ARHGAP10: variants seen among roughly 807,000 people sequenced by gnomAD.
ARHGAP10 encodes the protein Rho GTPase activating protein 10.
In ARHGAP10, 87 loss-of-function variants were observed where a neutral mutation model predicts 108.6. The observed-to-expected ratio is 0.80, with a 90% CI of 0.67 to 0.96. The LOEUF (loss-of-function observed/expected upper bound fraction) is 0.96, where lower values mean the gene tolerates loss of function less well. ARHGAP10 is among the 40% of genes least tolerant of loss of function. The pLI, the probability that ARHGAP10 is intolerant of heterozygous loss-of-function variation, is 0.00. For missense variants in ARHGAP10, 939 were observed against 954.5 expected (o/e 0.98, Z 0.21); for synonymous variants, 347 against 341.1 (o/e 1.02, Z -0.19).
At chr4:147,811,134 T>C (rs1332386947) in intron 1 of ARHGAP10, among the ~76,000 whole-genome samples, 7 of 152,234 alleles carry the variant, frequency 4.6e-5, no homozygotes, top group African/African-American at 1.7e-4. Context: ...TTCAACAGCT[T>C]CTGTTAATAA....
intron 15 of ARHGAP10, among the ~76,000 whole-genome samples, chr4:147,947,246 T>A (rs1738422506): frequency 6.6e-6 from 1 of 150,642 alleles, no homozygotes; most frequent in Admixed American, 6.6e-5. Flanking sequence ...TTTTTTTTTT[T>A]TAAAGAAAAG....
rs1733548537 is a variant in ARHGAP10 at position 147,844,343 on chromosome 4, C to T, written c.313-2808C>T. On this transcript the variant is annotated intron_variant, in intron 3 of 22. Transcript: ENST00000336498. ...ATTTATCCTTTGTGTTACAATCTAACTATACTCTTTTAGTTATTTTAAGAT... is the reference window on the plus strand; with the variant it reads ...ATTTATCCTTTGTGTTACAATCTAATTATACTCTTTTAGTTATTTTAAGAT... Among the ~76,000 whole-genome samples the T allele has an allele frequency of 3.3e-5, 5 of 152,120 alleles. No individual in the cohort carries two copies. In the South Asian group the frequency reaches 1.0e-3, roughly 32 times the overall value.
In ARHGAP10 at chr4:147,873,883, A is replaced by G. The variant is rs1013055792; in HGVS notation, c.703-1138A>G. 2.7e-5 allele frequency among the ~76,000 whole-genome samples: 4 copies of G among 150,408 alleles called. No individual in the cohort carries two copies. The East Asian group carries it at 7.9e-4, about 30-fold the overall frequency. ...GAGTGAGACCCTGTCTTTAAAAAAA[A>G]AAAAAAGGGGGGATAAGAAAACCTG... On this transcript the variant is annotated intron_variant, in intron 7 of 22. Transcript: ENST00000336498.
chr4:147,992,224 C>T (rs985624275), intron 18 of ARHGAP10, among the ~76,000 whole-genome samples: 4 of 152,110 alleles, frequency 2.6e-5, no homozygotes, highest in African/African-American at 9.7e-5. Context: ...AGCCTGATTG[C>T]ATGCTGTCGT....
chr4:147,969,345 T>TTTTTTTTTTTG (rs761497318), intron 18 of ARHGAP10, among the ~76,000 whole-genome samples: 1 of 129,158 alleles, frequency 7.7e-6, no homozygotes, highest in South Asian at 2.5e-4. Flanking sequence ...TTTTTTTTTT[T>TTTTTTTTTTTG]GCCAGTGGTG....
chr4:147,929,730 C>T (rs1376634183), intron 13 of ARHGAP10, among the ~76,000 whole-genome samples: 1 of 152,124 alleles, frequency 6.6e-6, no homozygotes, highest in Non-Finnish European at 1.5e-5. Flanking sequence ...CTAATTATTT[C>T]ATGAAGAGTG....
chr4:147,878,961 G>A lies in ARHGAP10; in HGVS notation c.833-271G>A, dbSNP rs546125318. On this transcript the variant is annotated intron_variant, in intron 8 of 22. Coordinates refer to ENST00000336498, the MANE Select transcript of ARHGAP10 (RefSeq NM_024605.4). ...CTGGCTAATTTTTTTTAGTAGAGAT[G>A]GAGTTTCACCGTGTTAGCCAGGATG... is the stretch of plus-strand genomic sequence containing the variant. 2.0e-4 allele frequency among the ~76,000 whole-genome samples: 30 copies of A among 151,766 alleles called. No individual in the cohort carries two copies. The East Asian group carries it at 5.6e-3, about 28-fold the overall frequency.
chr4:147,774,611 GT>G (rs1189075653), intron 1 of ARHGAP10, among the ~76,000 whole-genome samples: 2 of 152,078 alleles, frequency 1.3e-5, no homozygotes, highest in East Asian at 3.8e-4. Context: ...CTGTGACTTT[GT>G]TTATTTCATG....
chr4:147,929,074 TG>T (rs1169404974), intron 13 of ARHGAP10, among the ~76,000 whole-genome samples: 1 of 152,228 alleles, frequency 6.6e-6, no homozygotes, highest in Non-Finnish European at 1.5e-5. Context: ...TTAACACATT[TG>T]TATTTCCAAG....
chr4:147,825,724 C>T (rs1732681462), intron 3 of ARHGAP10, among the ~76,000 whole-genome samples: 1 of 151,996 alleles, frequency 6.6e-6, no homozygotes, highest in African/African-American at 2.4e-5. Flanking sequence ...TACATGGAGC[C>T]GATGTGTGGG....
chr4:148,063,480 G>T (rs1470435219), intron 21 of ARHGAP10, among the ~76,000 whole-genome samples, 180 bp downstream of exon 21: 1 of 152,174 alleles, frequency 6.6e-6, no homozygotes, highest in Non-Finnish European at 1.5e-5. Context: ...CAGTTCAGTA[G>T]CAAGGACGTT....
chr4:148,061,818 G>A (rs940416074), intron 20 of ARHGAP10, among the ~76,000 whole-genome samples: 1 of 152,188 alleles, frequency 6.6e-6, no homozygotes, highest in African/African-American at 2.4e-5. Flanking sequence ...TGGAAAAAGA[G>A]TTAAAGATCT....
chr4:147,912,645 C>CTT (rs70958594), intron 12 of ARHGAP10, among the ~76,000 whole-genome samples: 1,267 of 35,314 alleles, frequency 0.036, 459 homozygotes, highest in East Asian at 0.049. Context: ...TAGCCTTAAG[C>CTT]TTTTTTTTTT....
chr4:147,763,771 T>TTA (rs1553947154), intron 1 of ARHGAP10, among the ~76,000 whole-genome samples: 17 of 143,880 alleles, frequency 1.2e-4, no homozygotes, highest in South Asian at 4.5e-4. Context: ...TTTTTTTTTT[T>TTA]AAAAACAGAG....
At chr4:147,866,262 G>A (rs1272738050) in intron 6 of ARHGAP10, 2 of 153,294 alleles carry the variant, frequency 1.3e-5, no homozygotes, top group Non-Finnish European at 2.9e-5. Flanking sequence ...GCTGCCCCTG[G>A]CAAGTCATGG....
At chr4:147,984,600 T>C (rs774213854) in intron 18 of ARHGAP10, among the ~76,000 whole-genome samples, 1 of 152,182 alleles carries the variant, frequency 6.6e-6, no homozygotes, top group African/African-American at 2.4e-5. Flanking sequence ...TGGTTATAAA[T>C]AGCATTTCTG....
intron 7 of ARHGAP10, among the ~76,000 whole-genome samples, chr4:147,873,929 G>T (rs1035128782): frequency 3.3e-5 from 5 of 151,350 alleles, no homozygotes; most frequent in African/African-American, 1.2e-4. Flanking sequence ...AGGCGAGAGG[G>T]AACCTAGCCG....
At chr4:147,825,977 T>C (rs1732692688) in intron 3 of ARHGAP10, among the ~76,000 whole-genome samples, 1 of 152,082 alleles carries the variant, frequency 6.6e-6, no homozygotes, top group African/African-American at 2.4e-5. Context: ...CTGTAATCCA[T>C]TGGCAGGCAG....
intron 18 of ARHGAP10, among the ~76,000 whole-genome samples, chr4:147,992,222 T>G (rs1247461663): frequency 6.6e-6 from 1 of 152,114 alleles, no homozygotes; most frequent in African/African-American, 2.4e-5. Context: ...TAAGCCTGAT[T>G]GCATGCTGTC....
Sources: allele counts gnomAD v4.1 joint callset (sites outside exome capture counted in the v4.1 genomes callset), GRCh38; gene constraint gnomAD v4.1.1; transcripts MANE v1.5; gene names NCBI Gene and HGNC (gene_info 2026-07-23, HGNC 2026-07-21).